XPOT: variants seen among roughly 807,000 people sequenced by gnomAD.
XPOT encodes the protein exportin-T.
In XPOT, 34 loss-of-function variants were observed where a neutral mutation model predicts 128.2. The ratio of observed to expected loss-of-function variants is 0.27; its 90% CI spans 0.20 to 0.35. XPOT has a LOEUF of 0.35. XPOT is among the 10% of genes least tolerant of loss of function. XPOT has a pLI of 1.00. For synonymous variants in XPOT, 348 were observed against 394.3 expected (o/e 0.88, Z 1.39); for missense variants, 838 against 1,125.3 (o/e 0.74, Z 3.65).
In XPOT at chr12:64,416,965, C is replaced by T. The variant is rs548663801; in HGVS notation, c.200+211C>T. 3.3e-5 allele frequency among the ~76,000 whole-genome samples: 5 copies of T among 152,260 alleles called. No individual in the cohort carries two copies. In the South Asian group the frequency reaches 1.0e-3, roughly 32 times the overall value. ...AGGTGGCTCTCGCCTGTAATCCGAG[C>T]ACTTTGGGAGGCTGAGGCCGGTAGA... is the stretch of plus-strand genomic sequence containing the variant. On this transcript the variant is annotated intron_variant, in intron 4 of 24. Transcript: ENST00000332707.
chr12:64,422,949 T>C, intron 9 of XPOT, 56 bp from the exon 10 acceptor site: 1 of 1,521,400 alleles, frequency 6.6e-7, no homozygotes, highest in East Asian at 2.3e-5. Flanking sequence ...AAAAATGTTC[T>C]GATATGCAGG....
rs761275922 is a variant in XPOT, at chr12:64,434,849, C to T, written c.2625C>T (p.Pro875=). ...FADFVYKHIV[P]ACFLAPLKQT... ...ATTTTGTTTATAAGCACATTGTCCCCGCATGTTTCCTAGCACCTTTAAAAC... is the reference window on the plus strand; with the variant it reads ...ATTTTGTTTATAAGCACATTGTCCCTGCATGTTTCCTAGCACCTTTAAAAC... The change falls in exon 21 of 25, where the codon CCC becomes CCT. Residue 875 remains proline, a synonymous_variant. Coordinates refer to ENST00000332707, the MANE Select transcript of XPOT (RefSeq NM_007235.6). 1.4e-5 allele frequency: 23 copies of T among 1,612,154 alleles called. No individual in the cohort carries two copies. Among genetic ancestry groups the T allele is most frequent in the Middle Eastern group, 2.2e-4 (1 of 4,494 alleles).
chr12:64,438,438 A>C (rs1436384301), intron 22 of XPOT, among the ~76,000 whole-genome samples: 6 of 152,152 alleles, frequency 3.9e-5, no homozygotes, highest in Non-Finnish European at 8.8e-5. Context: ...GGAAAGTAGG[A>C]GGGATCTGGG....
intron 22 of XPOT, 24 bp from the exon 23 acceptor site, chr12:64,439,220 T>C (rs772281460): frequency 1.6e-5 from 25 of 1,607,868 alleles, no homozygotes; most frequent in Non-Finnish European, 2.1e-5. Flanking sequence ...AAGAAAATAG[T>C]TGTAAGTATC....
At chr12:64,441,665 GC>G (rs1280719272) in intron 23 of XPOT, among the ~76,000 whole-genome samples, 1 of 152,018 alleles carries the variant, frequency 6.6e-6, no homozygotes, top group Non-Finnish European at 1.5e-5. Context: ...TGATTAAGAA[GC>G]TTTTTAAAAT....
chr12:64,412,352 G>A (rs934459186), intron 2 of XPOT, among the ~76,000 whole-genome samples: 9 of 151,938 alleles, frequency 5.9e-5, no homozygotes, highest in Admixed American at 2.0e-4. Context: ...TAAAACACTC[G>A]TCTTTGGCTT....
At chr12:64,440,224 T>A (rs1483249835) in intron 23 of XPOT, among the ~76,000 whole-genome samples, 1 of 152,228 alleles carries the variant, frequency 6.6e-6, no homozygotes, top group African/African-American at 2.4e-5. Flanking sequence ...AATCATGCAG[T>A]TATCTCTCTT....
chr12:64,425,667 G>C, intron 14 of XPOT, 148 bp from the exon 15 acceptor site: 1 of 965,148 alleles, frequency 1.0e-6, no homozygotes, highest in South Asian at 1.5e-5. Flanking sequence ...GGGACTGTTT[G>C]TGTGTAGTTT....
At chr12:64,427,428 T>G (rs754230620) in intron 15 of XPOT, among the ~76,000 whole-genome samples, 3 of 152,124 alleles carry the variant, frequency 2.0e-5, no homozygotes, top group Non-Finnish European at 4.4e-5. Flanking sequence ...GCCCCCTTTT[T>G]ATGTTGCCAC....
At chr12:64,436,932 T>G (rs2040287471) in intron 22 of XPOT, among the ~76,000 whole-genome samples, 1 of 152,224 alleles carries the variant, frequency 6.6e-6, no homozygotes, top group African/African-American at 2.4e-5. Context: ...CAAATACTTT[T>G]TTTTAACCAA....
intron 21 of XPOT, 36 bp downstream of exon 21, chr12:64,434,945 C>T (rs2040270083): frequency 5.9e-6 from 9 of 1,525,742 alleles, no homozygotes; most frequent in African/African-American, 2.8e-5. Context: ...CCTTGTGTAG[C>T]TCATATATTC....
intron 15 of XPOT, among the ~76,000 whole-genome samples, chr12:64,427,000 G>T (rs1380025734): frequency 6.6e-6 from 1 of 150,840 alleles, no homozygotes; most frequent in Non-Finnish European, 1.5e-5. Context: ...ATAAAATGAA[G>T]ATGGAAATAA....
intron 23 of XPOT, among the ~76,000 whole-genome samples, chr12:64,442,056 G>T (rs2040328984): frequency 6.6e-6 from 1 of 151,876 alleles, no homozygotes; most frequent in African/African-American, 2.4e-5. Context: ...TTTCCCCTGT[G>T]TCATTTTACA....
At chr12:64,435,546 G>A (rs1592338011) in intron 21 of XPOT, 81 bp from the exon 22 acceptor site, 4 of 1,130,834 alleles carry the variant, frequency 3.5e-6, no homozygotes, top group East Asian at 5.9e-5. Context: ...TTCCCTGGCA[G>A]TGGCCAGGGT....
chr12:64,434,382 C>A, intron 19 of XPOT, 125 bp from the exon 20 acceptor site: 1 of 634,988 alleles, frequency 1.6e-6, no homozygotes. Context: ...GCTTTTTTCC[C>A]CCTTCATTTT....
At chr12:64,419,992 A>ACT in intron 6 of XPOT, 78 bp from the exon 7 acceptor site, 1 of 1,319,746 alleles carries the variant, frequency 7.6e-7, no homozygotes, top group Non-Finnish European at 1.0e-6. Flanking sequence ...CTGAAAGTTT[A>ACT]CTCTCTGCAA....
At chr12:64,443,501 C>T (rs773822300) in intron 23 of XPOT, among the ~76,000 whole-genome samples, 7 of 152,110 alleles carry the variant, frequency 4.6e-5, no homozygotes, top group Non-Finnish European at 1.5e-5. Flanking sequence ...GTCGCCCAGG[C>T]TAGTGTGCAG....
At chr12:64,447,987 C>A in intron 24 of XPOT, 118 bp from the exon 25 acceptor site, 1 of 930,662 alleles carries the variant, frequency 1.1e-6, no homozygotes, top group Non-Finnish European at 1.7e-6. Context: ...ATAAGGCATG[C>A]GAAATGTTCT....
At chr12:64,420,651 C>T in intron 8 of XPOT, 130 bp downstream of exon 8, 2 of 701,752 alleles carry the variant, frequency 2.9e-6, no homozygotes, top group South Asian at 4.8e-5. Context: ...ATAATATAAA[C>T]CACTGCATCT....
Sources: gnomAD v4.1 joint callset for allele counts (sites outside exome capture counted in the v4.1 genomes callset) on GRCh38, gnomAD v4.1.1 for gene constraint, MANE v1.5 for transcripts, NCBI Gene and HGNC (gene_info 2026-07-23, HGNC 2026-07-21) for gene names.